Variants in GP2 observed in about 807,000 individuals in gnomAD.
The protein encoded by GP2 is glycoprotein 2, also known as pancreatic secretory granule membrane major glycoprotein GP2.
A neutral mutation model predicts 60.8 loss-of-function variants in GP2; 58 were observed. That is an observed-to-expected ratio of 0.95 (90% CI 0.77 to 1.19). GP2 has a LOEUF of 1.19. GP2 is among the 50% of genes most tolerant of loss of function. GP2 has a pLI of 0.00. For synonymous variants in GP2, 280 were observed against 253.4 expected (o/e 1.10, Z -1.00); for missense variants, 647 against 667.4 (o/e 0.97, Z 0.34).
chr16:20,322,382 C>T (rs1964390365), intron 4 of GP2, among the ~76,000 whole-genome samples: 1 of 152,164 alleles, frequency 6.6e-6, no homozygotes, highest in Non-Finnish European at 1.5e-5. Context: ...AATTCATCAC[C>T]TCCTGAGCCT....
intron 2 of GP2, among the ~76,000 whole-genome samples, chr16:20,325,796 C>T (rs1964515481): frequency 6.6e-6 from 1 of 152,174 alleles, no homozygotes; most frequent in Non-Finnish European, 1.5e-5. Flanking sequence ...TTTGCTCATG[C>T]ATGTACTTAT....
rs11642182 is a variant in GP2, at chr16:20,311,117, A to G, written c.*106T>C. On this transcript the variant is annotated 3_prime_UTR_variant, in exon 11 of 11. Coordinates refer to ENST00000302555, the MANE Select transcript of GP2 (RefSeq NM_001502.4). ...CCTAACCTAGCTTGGCCTTGATTCT[A>G]TTAATACCAAGCCTGTGTGAATTGG... 0.95 allele frequency: 736,168 copies of G among 772,404 alleles called. 352,524 individuals are homozygous for G. The highest frequency in any genetic ancestry group is 0.99 in the Non-Finnish European group (425,694 of 431,452). 47.8% of individuals were successfully genotyped at this position (772,404 alleles called of 1,614,324 possible). A position where few individuals can be genotyped will look rare whatever the true frequency, so the allele number is the denominator to read the frequency against.
intron 8 of GP2, among the ~76,000 whole-genome samples, chr16:20,316,820 C>T (rs552408746): frequency 6.7e-6 from 1 of 148,646 alleles, no homozygotes; most frequent in South Asian, 2.1e-4. Flanking sequence ...TCTCTTCATC[C>T]TGCTTCCTTC....
Position 20,317,215 on chromosome 16 carries a change from G to A in GP2, c.1414C>T (p.Pro472Ser), listed in dbSNP as rs142084273. The A allele has an allele frequency of 4.3e-5, 69 of 1,604,398 alleles. No individual in the cohort carries two copies. In the African/African-American group the frequency reaches 8.5e-4, roughly 20 times the overall value. The part of the protein sequence containing the change: ...LCDSLNEQCQ[P>S]SCSRSQVRSE... ...GTTCAGTTCAAAGAGACACTCACAG[G>A]CTGGCACTGTTCATTAAGAGAATCA... The change falls in exon 8 of 11, where the codon CCT becomes TCT. Residue 472 changes from proline (P) to serine (S), a missense_variant and splice_region_variant. Transcript: ENST00000302555.
At chr16:20,314,859 C>A (rs894277170) in intron 9 of GP2, among the ~76,000 whole-genome samples, 158 bp from the exon 10 acceptor site, 4 of 152,158 alleles carry the variant, frequency 2.6e-5, no homozygotes, top group Admixed American at 1.3e-4. Flanking sequence ...GGCACAGGCA[C>A]CTTTCTAGAC....
chr16:20,316,073 A>G (rs1596519929), intron 8 of GP2, 33 bp from the exon 9 acceptor site: 1 of 1,365,192 alleles, frequency 7.3e-7, no homozygotes, highest in Non-Finnish European at 1.0e-6. Flanking sequence ...TTATATCAAA[A>G]TTTAAATGCC....
At chr16:20,313,191 G>A (rs1402359322) in intron 10 of GP2, among the ~76,000 whole-genome samples, 2 of 152,118 alleles carry the variant, frequency 1.3e-5, no homozygotes, top group Middle Eastern at 3.4e-3. Context: ...TTTTGTCCAA[G>A]ACATATTTCT....
chr16:20,316,817 A>G (rs753397064), intron 8 of GP2, among the ~76,000 whole-genome samples: 1 of 147,970 alleles, frequency 6.8e-6, no homozygotes, highest in African/African-American at 2.5e-5. Context: ...CCGTCTCTTC[A>G]TCCTGCTTCC....
intron 10 of GP2, among the ~76,000 whole-genome samples, chr16:20,313,261 G>GTC (rs60247069): frequency 0.73 from 109,383 of 149,588 alleles, 42,978 homozygotes; most frequent in Non-Finnish European, 0.91. Flanking sequence ...CTGTCTCTCT[G>GTC]TCTCTCTCTC....
At chr16:20,318,115 G>T in intron 7 of GP2, 70 bp downstream of exon 7, 1 of 1,258,054 alleles carries the variant, frequency 7.9e-7, no homozygotes, top group South Asian at 1.3e-5. Flanking sequence ...GTCTGCTGGG[G>T]ATGGATGAGA....
intron 6 of GP2, among the ~76,000 whole-genome samples, chr16:20,319,235 C>A (rs1964275175): frequency 6.6e-6 from 1 of 152,180 alleles, no homozygotes; most frequent in Non-Finnish European, 1.5e-5. Context: ...AAGCACCCCA[C>A]ATTTCTTTTA....
chr16:20,320,379 C>T lies in GP2; in HGVS notation c.741G>A (p.Glu247=). Residue 247 remains glutamate (E), a synonymous_variant, in exon 5 of 11, where the codon GAG becomes GAA. Coordinates refer to ENST00000302555, the MANE Select transcript of GP2 (RefSeq NM_001502.4). ...KCLLGGLGLG[E]EVIAYLRDPN... Reference sequence around the variant, plus strand: ...GGTCTCGCAGGTAGGCAATGACCTCCTCCCCCAAACCCAGGCCTCCCAGCA... The same window carrying T: ...GGTCTCGCAGGTAGGCAATGACCTCTTCCCCCAAACCCAGGCCTCCCAGCA... The T allele has an allele frequency of 6.2e-7, 1 of 1,613,496 alleles. No homozygotes were observed. Among genetic ancestry groups the T allele is most frequent in the Non-Finnish European group, 8.5e-7 (1 of 1,179,412 alleles).
chr16:20,323,590 G>A, intron 3 of GP2: 1 of 589,774 alleles, frequency 1.7e-6, no homozygotes, highest in Non-Finnish European at 3.1e-6. Context: ...TGGATTTTAT[G>A]CTACACACAT....
rs1963979542 is a variant in GP2, at chr16:20,311,034, G to A, written c.*189C>T. The A allele has an allele frequency of 2.1e-6, 1 of 481,070 alleles. No individual in the cohort carries two copies. The highest frequency in any genetic ancestry group is 2.4e-5 in the South Asian group (1 of 41,054). The allele number at this position is 481,070 out of a possible 1,614,324, so 29.8% of individuals were successfully genotyped here. On this transcript the variant is annotated 3_prime_UTR_variant, in exon 11 of 11. Coordinates refer to ENST00000302555, the MANE Select transcript of GP2 (RefSeq NM_001502.4). ...AGCCTCCCAAAATGCTGGGATTACA[G>A]GCATGAGCCACTGCGCCCAGCCGAG...
At chr16:20,313,106 G>T (rs1444785163) in intron 10 of GP2, among the ~76,000 whole-genome samples, 1 of 152,178 alleles carries the variant, frequency 6.6e-6, no homozygotes, top group Non-Finnish European at 1.5e-5. Context: ...AGGATGGAAA[G>T]AACCTTTTCA....
At position 20,317,361 on chromosome 16, in the gene GP2, C is replaced by T. The variant is rs1192678692; in HGVS notation, c.1268G>A (p.Arg423His). 4.3e-6 allele frequency: 7 copies of T among 1,613,676 alleles called. No individual in the cohort carries two copies. The highest frequency in any genetic ancestry group is 2.2e-5 in the East Asian group (1 of 44,860). ...CTCCTCCACGTGGATGGTGGAATCA[C>T]GTTGATTTGAGCAGCTGGGAGGGTG... The part of the protein sequence containing the change: ...FIIRNSCSNQ[R>H]DSTIHVEENG... Residue 423 changes from arginine (R) to histidine (H), a missense_variant, in exon 8 of 11, where the codon CGT (arginine) becomes CAT (histidine). By Grantham distance (29) the Arg-to-His change is conservative (BLOSUM62 0). Transcript: ENST00000302555.
intron 10 of GP2, among the ~76,000 whole-genome samples, chr16:20,311,765 A>C (rs1242196265): frequency 1.3e-5 from 2 of 152,154 alleles, no homozygotes; most frequent in East Asian, 3.8e-4. Flanking sequence ...TCCCCCAGTG[A>C]TTTAGTGGGA....
In GP2 at chr16:20,323,802, G is replaced by T; in HGVS notation, c.535+14C>A. The T allele has an allele frequency of 3.2e-6, 5 of 1,569,704 alleles. No homozygotes were observed. The highest frequency in any genetic ancestry group is 1.7e-4 in the Middle Eastern group (1 of 5,864). ...TGGCTGTGTAGCTGCCTCCTCCAGG[G>T]CTCTGCTGCTCACCTGTGCAGTATC... On this transcript the variant is annotated intron_variant, in intron 3 of 10. Transcript: ENST00000302555.
Position 20,310,902 on chromosome 16 carries a change from G to C in GP2, c.*321C>G. ...CTCCCGAGTAGCTGGGATTACAGGC[G>C]CCTGCCACCATGCCTGGCTAATTTT... On this transcript the variant is annotated 3_prime_UTR_variant, in exon 11 of 11. Transcript: ENST00000302555. 4.8e-6 allele frequency: 1 copy of C among 207,522 alleles called. No individual in the cohort carries two copies. Among genetic ancestry groups the C allele is most frequent in the Non-Finnish European group, 9.9e-6 (1 of 101,324 alleles). The allele number at this position is 207,522 out of a possible 1,614,324, so 12.9% of individuals were successfully genotyped here. A position where few individuals can be genotyped will look rare whatever the true frequency, so the allele number is the denominator to read the frequency against.
Sources: allele counts gnomAD v4.1 joint callset (sites outside exome capture counted in the v4.1 genomes callset), GRCh38; gene constraint gnomAD v4.1.1; transcripts MANE v1.5; gene names NCBI Gene and HGNC (gene_info 2026-07-23, HGNC 2026-07-21).